Variants in INPP5F observed in about 807,000 individuals in gnomAD.
The protein encoded by INPP5F is inositol polyphosphate-5-phosphatase F.
A neutral mutation model predicts 137.2 loss-of-function variants in INPP5F; 97 were observed. That is an observed-to-expected ratio of 0.71 (90% CI 0.60 to 0.84). INPP5F has a LOEUF of 0.84. Ranked by LOEUF, INPP5F falls within the 40% of genes least tolerant of loss-of-function variation. INPP5F has a pLI of 0.00. For missense variants in INPP5F, 1,271 were observed against 1,371.9 expected, an observed-to-expected ratio of 0.93 and a Z score of 1.16; for synonymous variants, 504 against 476.9, an observed-to-expected ratio of 1.06 and a Z score of -0.74.
At chr10:119,773,023 C>T (rs896758633) in intron 2 of INPP5F, among the ~76,000 whole-genome samples, 2 of 152,014 alleles carry the variant, frequency 1.3e-5, no homozygotes, top group African/African-American at 4.8e-5. Flanking sequence ...GCTGAGATTA[C>T]AGGTGTGAGC....
At chr10:119,727,535 T>G (rs1175517211) in intron 1 of INPP5F, among the ~76,000 whole-genome samples, 1 of 152,260 alleles carries the variant, frequency 6.6e-6, no homozygotes, top group Non-Finnish European at 1.5e-5. Flanking sequence ...GTTGAGACAC[T>G]GACACAGGGC....
At position 119,809,226 on chromosome 10, in the gene INPP5F, CA is replaced by C. The variant is rs71019722; in HGVS notation, c.1570-853del. Among the ~76,000 whole-genome samples, 225 of 58,866 alleles carry C rather than the reference CA, an allele frequency of 3.8e-3. 2 individuals carry two copies. Among genetic ancestry groups the C allele is most frequent in the African/African-American group, 9.7e-3 (149 of 15,440 alleles). The allele number at this position is 58,866 out of a possible 152,430, so 38.6% of individuals were successfully genotyped here. A position where few individuals can be genotyped will look rare whatever the true frequency, so the allele number is the denominator to read the frequency against. On this transcript the variant is annotated intron_variant, in intron 13 of 19. Transcript: ENST00000650623. Reference sequence around the variant, plus strand: ...TGGGCGACAGAGCGAGACTCTGTCTCAAAAAAAAAAAAAAAAAAAAAGCCTG... The same window carrying C: ...TGGGCGACAGAGCGAGACTCTGTCTCAAAAAAAAAAAAAAAAAAAAGCCTG...
At chr10:119,742,724 A>G (rs561003834) in intron 1 of INPP5F, among the ~76,000 whole-genome samples, 14 of 152,120 alleles carry the variant, frequency 9.2e-5, no homozygotes, top group Admixed American at 3.9e-4. Context: ...TTGGTGCGGT[A>G]GCTCACGCCT....
At chr10:119,821,351 T>C (rs1481428226) in intron 16 of INPP5F, among the ~76,000 whole-genome samples, 1 of 151,968 alleles carries the variant, frequency 6.6e-6, no homozygotes, top group Non-Finnish European at 1.5e-5. Context: ...TGTGTGTGTG[T>C]GTGTGTGTGC....
intron 2 of INPP5F, among the ~76,000 whole-genome samples, chr10:119,767,011 A>G (rs1360604694): frequency 6.9e-6 from 1 of 145,640 alleles, no homozygotes; most frequent in Non-Finnish European, 1.5e-5. Flanking sequence ...AGGCTGAGGC[A>G]GGAGAATTCC....
rs760665197 is a variant in INPP5F at position 119,781,719 on chromosome 10, A to C, written c.263A>C (p.Lys88Thr). The change falls in exon 3 of 20, where the codon AAA becomes ACA. Residue 88 changes from lysine to threonine, a missense_variant. By Grantham distance (78) the Lys-to-Thr change is moderately conservative. Transcript: ENST00000650623. ...PGDHEVCKVTKIAVLSLSEME... is the reference protein window; with the variant it reads ...PGDHEVCKVTTIAVLSLSEME... ...GACCATGAGGTCTGTAAAGTTACCA[A>C]AATTGCTGTGCTCTCACTTTCTGAA... 6.2e-7 allele frequency: 1 copy of C among 1,612,174 alleles called. No individual in the cohort carries two copies. Among genetic ancestry groups the C allele is most frequent in the Non-Finnish European group, 8.5e-7 (1 of 1,178,694 alleles).
At chr10:119,801,528 C>G (rs901209621) in intron 9 of INPP5F, among the ~76,000 whole-genome samples, 2 of 152,088 alleles carry the variant, frequency 1.3e-5, no homozygotes, top group African/African-American at 4.8e-5. Flanking sequence ...CATGTATTAG[C>G]AATGTGTGTA....
intron 1 of INPP5F, among the ~76,000 whole-genome samples, chr10:119,733,598 T>C (rs1228453637): frequency 1.3e-5 from 2 of 152,190 alleles, no homozygotes; most frequent in African/African-American, 4.8e-5. Context: ...AGGGCAAAAC[T>C]ACCTTCTTCA....
chr10:119,739,944 T>G (rs964719364), intron 1 of INPP5F, among the ~76,000 whole-genome samples: 1 of 152,214 alleles, frequency 6.6e-6, no homozygotes, highest in Admixed American at 6.5e-5. Flanking sequence ...CATTGGTTAG[T>G]TGAAACTGTT....
chr10:119,804,326 A>G (rs1259760171), intron 10 of INPP5F, 29 bp downstream of exon 10: 1 of 1,573,902 alleles, frequency 6.4e-7, no homozygotes, highest in Non-Finnish European at 8.6e-7. Context: ...AATAGTGTTG[A>G]TCAATTGCAG....
rs531581631 is a variant in INPP5F, at chr10:119,778,482, CTA to C, written c.179-3151_179-3150del. On this transcript the variant is annotated intron_variant, in intron 2 of 19. Transcript: ENST00000650623. ...TGATTTGCATGCTGTCTTTCATAGA[CTA>C]TTTTTTGTTTAATTAAAAATCTCTT... 1.1e-3 allele frequency among the ~76,000 whole-genome samples: 173 copies of C among 152,200 alleles called. 1 individual carries two copies. The highest frequency in any genetic ancestry group is 2.2e-3 in the Non-Finnish European group (153 of 68,002).
chr10:119,726,333 G>A lies in INPP5F; in HGVS notation c.71G>A (p.Arg24His), dbSNP rs1438468265. The A allele has an allele frequency of 4.1e-6, 6 of 1,467,084 alleles. No individual in the cohort carries two copies. The highest frequency in any genetic ancestry group is 1.3e-5 in the South Asian group (1 of 76,502). 90.9% of individuals were successfully genotyped at this position (1,467,084 alleles called of 1,614,324 possible). ...QGERALWCSRRDGGLQLRPAT... is the reference protein window; with the variant it reads ...QGERALWCSRHDGGLQLRPAT... ...GAGCGCGCGCTGTGGTGCAGCCGCC[G>A]CGACGGCGGCCTCCAGCTCCGACCC... The change falls in exon 1 of 20, where the codon CGC (arginine) becomes CAC (histidine). Residue 24 changes from arginine to histidine, a missense_variant. This residue lies in a region of INPP5F where 109 missense variants were observed against 105.1 expected (regional missense o/e 1.04). Transcript: ENST00000650623.
intron 2 of INPP5F, among the ~76,000 whole-genome samples, chr10:119,765,582 A>G (rs1008858949): frequency 2.3e-5 from 3 of 132,490 alleles, no homozygotes; most frequent in Admixed American, 8.0e-5. Flanking sequence ...GGGTTTTGCT[A>G]TGTTGCCCAG....
At chr10:119,799,968 A>T (rs1434495476) in intron 9 of INPP5F, among the ~76,000 whole-genome samples, 2 of 152,170 alleles carry the variant, frequency 1.3e-5, no homozygotes, top group Non-Finnish European at 2.9e-5. Context: ...TTTTATTTTT[A>T]AAAAACACTC....
intron 13 of INPP5F, among the ~76,000 whole-genome samples, chr10:119,809,539 A>G (rs887530886): frequency 6.6e-6 from 1 of 152,154 alleles, no homozygotes; most frequent in Non-Finnish European, 1.5e-5. Context: ...TTGCTCTGAC[A>G]TCTTTGTTGT....
intron 18 of INPP5F, 107 bp downstream of exon 18, chr10:119,823,306 G>C (rs1442862975): frequency 9.4e-7 from 1 of 1,068,120 alleles, no homozygotes; most frequent in East Asian, 2.7e-5. Context: ...GAATGAGAGA[G>C]GGTCCAGGGA....
Position 119,828,034 on chromosome 10 carries a change from G to C in INPP5F, c.*254G>C, listed in dbSNP as rs1277061662. The C allele has an allele frequency of 6.0e-6, 2 of 333,358 alleles. No individual in the cohort carries two copies. The highest frequency in any genetic ancestry group is 9.2e-5 in the Admixed American group (2 of 21,712). 20.7% of individuals were successfully genotyped at this position (333,358 alleles called of 1,614,324 possible). ...ACTTTGCTTATTTGAAAGTAATTCA[G>C]CAACAGGTCACTTTGGGATATAACC... On this transcript the variant is annotated 3_prime_UTR_variant, in exon 20 of 20. Transcript: ENST00000650623.
In INPP5F at chr10:119,811,975, A is replaced by G. The variant is rs773989979; in HGVS notation, c.1886+20A>G. 1.3e-6 allele frequency: 2 copies of G among 1,599,700 alleles called. No homozygotes were observed. Among genetic ancestry groups the G allele is most frequent in the Non-Finnish European group, 1.7e-6 (2 of 1,167,304 alleles). On this transcript the variant is annotated intron_variant, in intron 15 of 19. Coordinates refer to ENST00000650623, the MANE Select transcript of INPP5F (RefSeq NM_014937.4). ...CCCTAGGTGAGTTGGAGTGGTGTCC[A>G]GGTGACCAGCTTGCTTAACTGATGT...
At chr10:119,733,000 TG>T (rs1040179497) in intron 1 of INPP5F, among the ~76,000 whole-genome samples, 4 of 152,320 alleles carry the variant, frequency 2.6e-5, no homozygotes, top group African/African-American at 9.6e-5. Context: ...TCTAACCCAG[TG>T]TTTGACTCTA....
Sources: allele counts gnomAD v4.1 joint callset (sites outside exome capture counted in the v4.1 genomes callset), GRCh38; gene constraint gnomAD v4.1.1; regional missense constraint gnomAD v4.1.1; transcripts MANE v1.5; gene names NCBI Gene and HGNC (gene_info 2026-07-23, HGNC 2026-07-21).